The following MCUB variants were observed in gnomAD, a reference collection of about 807,000 sequenced individuals.
MCUB encodes the protein mitochondrial calcium uniporter dominant negative subunit beta.
Under a neutral mutation model 41.4 loss-of-function variants are expected in MCUB, and 46 were observed. That is an observed-to-expected ratio of 1.11 (90% CI 0.88 to 1.42). The LOEUF is 1.42. MCUB is among the 40% of genes most tolerant of loss of function. The pLI, the probability that MCUB is intolerant of heterozygous loss-of-function variation, is 0.00. For synonymous variants in MCUB, 148 were observed against 148.2 expected (o/e 1.00, Z 0.01); for missense variants, 403 against 404.9 (o/e 1.00, Z 0.04).
chr4:109,684,140 G>T (rs1487714436), intron 5 of MCUB, among the ~76,000 whole-genome samples: 7 of 149,662 alleles, frequency 4.7e-5, no homozygotes, highest in Non-Finnish European at 8.8e-5. Flanking sequence ...TTGGCTCACT[G>T]CAAGCTCCAC....
At chr4:109,636,161 T>C (rs955065919) in intron 1 of MCUB, among the ~76,000 whole-genome samples, 2 of 152,178 alleles carry the variant, frequency 1.3e-5, no homozygotes, top group Non-Finnish European at 2.9e-5. Flanking sequence ...AAGGGTCACA[T>C]AGTACAGACA....
rs561429243 is a variant in MCUB, at chr4:109,659,193, C to T, written c.175+107C>T. ...AGAATAGACTTTTCTTACACTATCCCCATCCCACCCCACCCTGATTGGGTT... is the reference window on the plus strand; with the variant it reads ...AGAATAGACTTTTCTTACACTATCCTCATCCCACCCCACCCTGATTGGGTT... On this transcript the variant is annotated intron_variant, in intron 2 of 7. Coordinates refer to ENST00000394650, the MANE Select transcript of MCUB (RefSeq NM_017918.5). The T allele has an allele frequency of 1.0e-4, 71 of 692,758 alleles. 1 individual carries two copies. In the South Asian group the frequency reaches 1.1e-3, roughly 11 times the overall value. The allele number at this position is 692,758 out of a possible 1,614,324, so 42.9% of individuals were successfully genotyped here. A position where few individuals can be genotyped will look rare whatever the true frequency, so the allele number is the denominator to read the frequency against.
intron 1 of MCUB, among the ~76,000 whole-genome samples, chr4:109,631,755 A>G (rs1345123758): frequency 1.3e-5 from 2 of 152,180 alleles, no homozygotes; most frequent in Non-Finnish European, 2.9e-5. Context: ...GCAACAGTAG[A>G]TCGGTACTGT....
At chr4:109,602,435 T>C in intron 1 of MCUB, among the ~76,000 whole-genome samples, 1 of 152,260 alleles carries the variant, frequency 6.6e-6, no homozygotes, top group Non-Finnish European at 1.5e-5. Context: ...CATATAAATA[T>C]CCAGTTTCCC....
chr4:109,664,417 T>A, intron 4 of MCUB, 23 bp downstream of exon 4: 5 of 856,746 alleles, frequency 5.8e-6, no homozygotes, highest in South Asian at 1.6e-5. Context: ...GCTATCCAAC[T>A]ATTACTTTTT....
chr4:109,676,250 G>T (rs1035125217), intron 4 of MCUB, among the ~76,000 whole-genome samples: 1 of 152,106 alleles, frequency 6.6e-6, no homozygotes, highest in African/African-American at 2.4e-5. Flanking sequence ...TAGAAATATC[G>T]ATGGTAGGCT....
chr4:109,651,528 G>A (rs1218687154), intron 1 of MCUB, among the ~76,000 whole-genome samples: 1 of 152,130 alleles, frequency 6.6e-6, no homozygotes, highest in East Asian at 1.9e-4. Context: ...ACATATATAT[G>A]TCAGTATGAA....
At position 109,664,272 on chromosome 4, in the gene MCUB, A is replaced by G. The variant is rs757731959; in HGVS notation, c.347-18A>G. On this transcript the variant is annotated intron_variant, in intron 3 of 7. Coordinates refer to ENST00000394650, the MANE Select transcript of MCUB (RefSeq NM_017918.5). The stretch of plus-strand genomic sequence containing the variant: ...TTCTAAAACAAAGACATGCTCATGC[A>G]TGATGTTTTTCTTTCAGATGGCAAC... 5 of 1,173,986 alleles carry G rather than the reference A, an allele frequency of 4.3e-6. No homozygotes were observed. Among genetic ancestry groups the G allele is most frequent in the Admixed American group, 1.7e-5 (1 of 59,054 alleles). 72.7% of individuals were successfully genotyped at this position (1,173,986 alleles called of 1,614,324 possible). A position where few individuals can be genotyped will look rare whatever the true frequency, so the allele number is the denominator to read the frequency against.
chr4:109,684,646 G>C lies in MCUB; in HGVS notation c.816G>C (p.Gln272His). The change falls in exon 6 of 8, where the codon CAG becomes CAC. Residue 272 changes from glutamine to histidine, a missense_variant and splice_region_variant. By Grantham distance (24) the Gln-to-His change is conservative. Transcript: ENST00000394650. ...TTGCATACTTTATAGTCACTCGACA[G>C]GTGAGTAGTTTGTTAGGAAAATGGT... ...VFFAYFIVTR[Q>H]DYTYSAVKSR... is the part of the protein sequence containing the mutation. The C allele has an allele frequency of 7.2e-7, 1 of 1,383,932 alleles. No homozygotes were observed. Among genetic ancestry groups the C allele is most frequent in the Non-Finnish European group, 1.0e-6 (1 of 976,732 alleles). 85.7% of individuals were successfully genotyped at this position (1,383,932 alleles called of 1,614,324 possible). A position where few individuals can be genotyped will look rare whatever the true frequency, so the allele number is the denominator to read the frequency against.
intron 1 of MCUB, among the ~76,000 whole-genome samples, chr4:109,595,675 A>G (rs1319230138): frequency 1.3e-5 from 2 of 152,294 alleles, no homozygotes; most frequent in East Asian, 1.9e-4. Flanking sequence ...AGAGATTTCC[A>G]TCATCACAGA....
At chr4:109,635,690 G>A (rs917339794) in intron 1 of MCUB, among the ~76,000 whole-genome samples, 1 of 152,012 alleles carries the variant, frequency 6.6e-6, no homozygotes, top group Non-Finnish European at 1.5e-5. Context: ...ACAAGGGAGC[G>A]TCTTCCTTCC....
At chr4:109,684,191 T>C (rs1468192949) in intron 5 of MCUB, among the ~76,000 whole-genome samples, 1 of 151,626 alleles carries the variant, frequency 6.6e-6, no homozygotes, top group Admixed American at 6.6e-5. Context: ...GCCTCCTGAG[T>C]ATCTGGGACT....
intron 4 of MCUB, among the ~76,000 whole-genome samples, chr4:109,665,662 T>G (rs966998098): frequency 3.9e-5 from 6 of 152,182 alleles, no homozygotes; most frequent in Admixed American, 2.0e-4. Flanking sequence ...GTTTTTTCAT[T>G]CATTTTGTTG....
chr4:109,596,299 A>G (rs536294397), intron 1 of MCUB, among the ~76,000 whole-genome samples: 1 of 110,948 alleles, frequency 9.0e-6, no homozygotes, highest in African/African-American at 3.7e-5. Flanking sequence ...ATATCAGAGC[A>G]GACTGGGGCT....
chr4:109,655,199 T>C (rs143559528), intron 1 of MCUB, among the ~76,000 whole-genome samples: 26 of 152,332 alleles, frequency 1.7e-4, no homozygotes, highest in African/African-American at 5.5e-4. Context: ...TAAAGCAAGG[T>C]ACAGTTTGTG....
intron 1 of MCUB, among the ~76,000 whole-genome samples, chr4:109,564,418 A>G (rs1196428901): frequency 2.0e-5 from 3 of 152,166 alleles, no homozygotes; most frequent in Non-Finnish European, 2.9e-5. Flanking sequence ...GATTACAAGC[A>G]TGAGACACTG....
chr4:109,577,483 C>G (rs1388835199), intron 1 of MCUB, among the ~76,000 whole-genome samples: 1 of 151,784 alleles, frequency 6.6e-6, no homozygotes, highest in East Asian at 1.9e-4. Context: ...ATTTATTGAT[C>G]AACTGATAAA....
At chr4:109,667,945 A>G (rs1729380913) in intron 4 of MCUB, among the ~76,000 whole-genome samples, 1 of 151,418 alleles carries the variant, frequency 6.6e-6, no homozygotes, top group African/African-American at 2.4e-5. Flanking sequence ...GTATTTTGGG[A>G]TTTTCCAGCT....
intron 1 of MCUB, among the ~76,000 whole-genome samples, chr4:109,571,817 A>C (rs780098488): frequency 1.3e-5 from 2 of 152,198 alleles, no homozygotes. Context: ...GGAGTGTTAC[A>C]TATCTTGTGT....
Sources: allele counts gnomAD v4.1 joint callset (sites outside exome capture counted in the v4.1 genomes callset), GRCh38; gene constraint gnomAD v4.1.1; transcripts MANE v1.5; gene names NCBI Gene and HGNC (gene_info 2026-07-23, HGNC 2026-07-21).